The following PCDHGA2 variants were observed in gnomAD, a reference collection of about 807,000 sequenced individuals.
PCDHGA2 encodes protocadherin gamma-A2.
Under a neutral mutation model 59.2 loss-of-function variants are expected in PCDHGA2, and 40 were observed. That is an observed-to-expected ratio of 0.68 (90% CI 0.52 to 0.88). PCDHGA2 has a LOEUF of 0.88. Among genes scored for constraint, PCDHGA2 ranks in the 40% least tolerant of loss-of-function variants. The pLI is 0.00. For synonymous variants in PCDHGA2, 560 were observed against 526.0 expected (o/e 1.06, Z -0.89); for missense variants, 1,226 against 1,204.0 (o/e 1.02, Z -0.27).
chr5:141,427,528 A>G (rs1360860476), intron 1 of PCDHGA2: 1 of 617,748 alleles, frequency 1.6e-6, no homozygotes, highest in Non-Finnish European at 3.0e-6. Context: ...CGGATCCCGG[A>G]GTACAACGTC....
chr5:141,485,341 G>C lies in PCDHGA2; in HGVS notation c.2425-9466G>C. 1.2e-6 allele frequency: 2 copies of C among 1,614,118 alleles called. No homozygotes were observed. Among genetic ancestry groups the C allele is most frequent in the Non-Finnish European group, 8.5e-7 (1 of 1,180,022 alleles). ...TCGCTCAAGATTTCCTGCTGGATAC[G>C]GACAGTCTGTCAGCTCGCAGGCTGC... On this transcript the variant is annotated intron_variant, in intron 1 of 3. Coordinates refer to ENST00000394576, the MANE Select transcript of PCDHGA2 (RefSeq NM_018915.4). The surrounding 1 kb of genome is among the most constrained non-coding windows in gnomAD (Gnocchi z 5.7).
chr5:141,367,367 T>G (rs947999999), intron 1 of PCDHGA2: 3 of 151,876 alleles, frequency 2.0e-5, no homozygotes, highest in African/African-American at 7.3e-5. Flanking sequence ...TGAAACCCTG[T>G]TCTACTAAAA....
At chr5:141,478,862 C>A in intron 1 of PCDHGA2, 1 of 1,326,032 alleles carries the variant, frequency 7.5e-7, no homozygotes, top group Non-Finnish European at 1.0e-6. Context: ...AAGATCTCAG[C>A]GATCAGAGTT....
rs1370278746 is a variant in PCDHGA2, at chr5:141,338,791, G to C, written c.-181G>C. On this transcript the variant is annotated 5_prime_UTR_variant, in exon 1 of 4. Coordinates refer to ENST00000394576, the MANE Select transcript of PCDHGA2 (RefSeq NM_018915.4). ...GCAATACGGCTCCCACAGCACAAGG[G>C]GGTGGAGGTTTGGCCCTAAAGCTTC... 2 of 1,354,154 alleles carry C rather than the reference G, an allele frequency of 1.5e-6. No individual in the cohort carries two copies. The highest frequency in any genetic ancestry group is 1.9e-6 in the Non-Finnish European group (2 of 1,058,714). The allele number at this position is 1,354,154 out of a possible 1,614,324, so 83.9% of individuals were successfully genotyped here.
chr5:141,451,860 C>T, intron 1 of PCDHGA2, among the ~76,000 whole-genome samples: 1 of 151,832 alleles, frequency 6.6e-6, no homozygotes, highest in Non-Finnish European at 1.5e-5. Flanking sequence ...CAGCCTAGGC[C>T]ACAGAATGAA....
chr5:141,393,659 G>GA (rs1276688380), intron 1 of PCDHGA2: 7 of 1,613,880 alleles, frequency 4.3e-6, no homozygotes, highest in Middle Eastern at 1.6e-4. Context: ...ACAAATTCCG[G>GA]AAAATTAATG....
At chr5:141,399,348 C>G (rs1287526689) in intron 1 of PCDHGA2, 1 of 1,613,940 alleles carries the variant, frequency 6.2e-7, no homozygotes, top group Non-Finnish European at 8.5e-7. Flanking sequence ...GAACCCTAGA[C>G]CGAGAGCAAA....
At chr5:141,407,875 A>G (rs957717882) in intron 1 of PCDHGA2, 8 of 361,396 alleles carry the variant, frequency 2.2e-5, no homozygotes, top group African/African-American at 8.4e-5. Context: ...AAGAATATAT[A>G]CATTTCGGAG....
At chr5:141,405,407 C>A (rs1252757330) in intron 1 of PCDHGA2, 3 of 1,582,052 alleles carry the variant, frequency 1.9e-6, no homozygotes, top group Non-Finnish European at 2.6e-6. Flanking sequence ...TCTTTCTTTT[C>A]TTTTTTTGTT....
chr5:141,387,422 TA>T (rs1406219674), intron 1 of PCDHGA2, among the ~76,000 whole-genome samples: 1 of 152,248 alleles, frequency 6.6e-6, no homozygotes, highest in Non-Finnish European at 1.5e-5. Context: ...CTTATGTCAA[TA>T]AATGTTTATG....
rs2099883574 is a variant in PCDHGA2, at chr5:141,511,027, C to T, written c.2653C>T (p.Leu885=). The change falls in exon 4 of 4, where the codon CTG becomes TTG. Residue 885 remains leucine (L), a synonymous_variant. Transcript: ENST00000394576. ...CGCCCGCTACGGACCCCAGTTCACCCTGCAGCACGTGCCCGACTACCGCCA... is the reference window on the plus strand; with the variant it reads ...CGCCCGCTACGGACCCCAGTTCACCTTGCAGCACGTGCCCGACTACCGCCA... The part of the protein sequence containing the change: ...LSARYGPQFT[L]QHVPDYRQNV... 2 of 1,614,230 alleles carry T rather than the reference C, an allele frequency of 1.2e-6. No individual in the cohort carries two copies. The highest frequency in any genetic ancestry group is 1.7e-6 in the Non-Finnish European group (2 of 1,180,034).
chr5:141,450,702 G>T (rs1466981422), intron 1 of PCDHGA2, among the ~76,000 whole-genome samples: 6 of 152,026 alleles, frequency 3.9e-5, no homozygotes, highest in South Asian at 2.1e-4. Flanking sequence ...GCCCAGGATG[G>T]TCTCCAACTC....
chr5:141,393,263 A>C, intron 1 of PCDHGA2: 1 of 1,613,926 alleles, frequency 6.2e-7, no homozygotes, highest in Non-Finnish European at 8.5e-7. Flanking sequence ...TTCCTGGAGC[A>C]CGTTATCCAC....
intron 1 of PCDHGA2, chr5:141,405,100 G>A (rs764536213): frequency 1.2e-6 from 2 of 1,613,924 alleles, no homozygotes; most frequent in Non-Finnish European, 1.7e-6. Context: ...CCCTCAGGCT[G>A]AGGCACTGGC....
chr5:141,478,726 G>A, intron 1 of PCDHGA2: 2 of 1,540,996 alleles, frequency 1.3e-6, no homozygotes, highest in Non-Finnish European at 1.8e-6. Context: ...GCCTGCCAGA[G>A]TGTGGTTTGT....
intron 1 of PCDHGA2, among the ~76,000 whole-genome samples, chr5:141,465,407 A>G (rs1019401245): frequency 6.6e-6 from 1 of 152,218 alleles, no homozygotes; most frequent in African/African-American, 2.4e-5. Flanking sequence ...AGAAGAAGCC[A>G]AATCAGCACT....
chr5:141,404,710 C>A (rs772390810), intron 1 of PCDHGA2: 1 of 1,614,014 alleles, frequency 6.2e-7, no homozygotes, highest in African/African-American at 1.3e-5. Flanking sequence ...AGCCTGGCTA[C>A]CTGGTGACCA....
intron 1 of PCDHGA2, chr5:141,412,207 C>T (rs529672287): frequency 1.1e-3 from 173 of 152,330 alleles, no homozygotes; most frequent in African/African-American, 4.1e-3. Flanking sequence ...GGTCATTTGA[C>T]ATAAACACTT....
At chr5:141,458,264 G>A (rs1489144612) in intron 1 of PCDHGA2, among the ~76,000 whole-genome samples, 3 of 152,092 alleles carry the variant, frequency 2.0e-5, no homozygotes, top group Non-Finnish European at 2.9e-5. Flanking sequence ...GATGAGTGGA[G>A]GAACAACAGG....
Sources: gnomAD v4.1 joint callset for allele counts (sites outside exome capture counted in the v4.1 genomes callset) on GRCh38, gnomAD v4.1.1 for gene constraint, Gnocchi (gnomAD v3.1) non-coding constraint, MANE v1.5 for transcripts, NCBI Gene and HGNC (gene_info 2026-07-23, HGNC 2026-07-21) for gene names.